The following MELK variants were observed in gnomAD, a reference collection of about 807,000 sequenced individuals.
MELK encodes the protein maternal embryonic leucine zipper kinase.
A neutral mutation model predicts 85.0 loss-of-function variants in MELK; 81 were observed. The observed-to-expected ratio is 0.95, with a 90% CI of 0.80 to 1.15. The LOEUF (loss-of-function observed/expected upper bound fraction) is 1.15. Ranked by LOEUF, MELK falls within the 50% of genes most tolerant of loss-of-function variation. MELK has a pLI of 0.00. For missense variants in MELK, 754 were observed against 777.5 expected (o/e 0.97, Z 0.36); for synonymous variants, 252 against 265.0 (o/e 0.95, Z 0.48).
At chr9:36,576,662 G>T (rs768212129) in intron 1 of MELK, among the ~76,000 whole-genome samples, 2 of 152,048 alleles carry the variant, frequency 1.3e-5, no homozygotes, top group African/African-American at 2.4e-5. Flanking sequence ...CTCCCTAGCA[G>T]CTGGGATTAC....
At chr9:36,666,643 C>T (rs945172427) in intron 14 of MELK, among the ~76,000 whole-genome samples, 4 of 152,206 alleles carry the variant, frequency 2.6e-5, no homozygotes, top group African/African-American at 9.6e-5. Context: ...TGGGAAACCA[C>T]ATCCTGCCAT....
Position 36,620,996 on chromosome 9 carries a change from C to T in MELK, c.667-9303C>T, listed in dbSNP as rs1359221531. Among the ~76,000 whole-genome samples the T allele has an allele frequency of 3.3e-5, 5 of 151,720 alleles. No homozygotes were observed. The South Asian group carries it at 8.3e-4, about 25-fold the overall frequency. On this transcript the variant is annotated intron_variant, in intron 8 of 17. Coordinates refer to ENST00000298048, the MANE Select transcript of MELK (RefSeq NM_014791.4). ...ATTAAAAAACTGAATAGAGGCTGGG[C>T]GCAGTGGCTCACGCCTGCAATCCCA...
intron 9 of MELK, 121 bp downstream of exon 9, chr9:36,630,488 A>C (rs1457765846): frequency 1.3e-6 from 1 of 753,620 alleles, no homozygotes; most frequent in Non-Finnish European, 2.2e-6. Flanking sequence ...ATCTACCTTG[A>C]AAATATCCTC....
Position 36,677,233 on chromosome 9 carries a change from C to T in MELK, c.1852C>T (p.Leu618Phe). Residue 618 changes from leucine (L) to phenylalanine (F), a missense_variant, in exon 18 of 18, where the codon CTT becomes TTT. Transcript: ENST00000298048. ...GCAATTTGAATTAGAAGTGTGCCAG[C>T]TTCAAAAACCCGATGTGGTGGGTAT... ...TMQFELEVCQ[L>F]QKPDVVGIRR... 2 of 1,614,084 alleles carry T rather than the reference C, an allele frequency of 1.2e-6. No individual in the cohort carries two copies. Among genetic ancestry groups the T allele is most frequent in the African/African-American group, 2.7e-5 (2 of 75,048 alleles).
chr9:36,621,275 G>GAAAAA lies in MELK; in HGVS notation c.667-8986_667-8982dup, dbSNP rs74181196. Among the ~76,000 whole-genome samples, 107 of 32,428 alleles carry GAAAAA rather than the reference G, an allele frequency of 3.3e-3. 29 individuals are homozygous for GAAAAA. Among genetic ancestry groups the GAAAAA allele is most frequent in the Non-Finnish European group, 6.6e-3 (74 of 11,218 alleles). The allele number at this position is 32,428 out of a possible 152,430, so 21.3% of individuals were successfully genotyped here. A position where few individuals can be genotyped will look rare whatever the true frequency, so the allele number is the denominator to read the frequency against. ...TGACAGAGTGAGACTCTGTCTCAGGGAAAAAAAAAAAAAAAAAAAAAAAAA... is the reference window on the plus strand; with the variant it reads ...TGACAGAGTGAGACTCTGTCTCAGGGAAAAAAAAAAAAAAAAAAAAAAAAAAAAAA... On this transcript the variant is annotated intron_variant, in intron 8 of 17. Coordinates refer to ENST00000298048, the MANE Select transcript of MELK (RefSeq NM_014791.4).
At chr9:36,583,920 T>C (rs1822536290) in intron 3 of MELK, among the ~76,000 whole-genome samples, 1 of 152,246 alleles carries the variant, frequency 6.6e-6, no homozygotes, top group Admixed American at 6.5e-5. Flanking sequence ...GGGACATATT[T>C]GAAGTCTGTA....
In MELK at chr9:36,642,997, T is replaced by C. The variant is rs746406905; in HGVS notation, c.835T>C (p.Phe279Leu). The change falls in exon 11 of 18, where the codon TTT becomes CTT. Residue 279 changes from phenylalanine (F) to leucine (L), a missense_variant and splice_region_variant. Transcript: ENST00000298048. Reference sequence around the variant, plus strand: ...TAAAGTGCATAATTTTTTTTTGTAGTTTATTCACCTCGATGATGATTGCGT... The same window carrying C: ...TAAAGTGCATAATTTTTTTTTGTAGCTTATTCACCTCGATGATGATTGCGT... ...YPVEWQSKNPFIHLDDDCVTE... is the reference protein window; with the variant it reads ...YPVEWQSKNPLIHLDDDCVTE... The C allele has an allele frequency of 2.5e-6, 4 of 1,600,976 alleles. No individual in the cohort carries two copies. Among genetic ancestry groups the C allele is most frequent in the South Asian group, 2.3e-5 (2 of 87,508 alleles).
At chr9:36,666,338 A>G (rs1832333298) in intron 14 of MELK, among the ~76,000 whole-genome samples, 1 of 152,166 alleles carries the variant, frequency 6.6e-6, no homozygotes, top group African/African-American at 2.4e-5. Flanking sequence ...TCATGACAGT[A>G]GAGACTCTCT....
intron 2 of MELK, among the ~76,000 whole-genome samples, chr9:36,582,462 A>G (rs143255700): frequency 3.0e-4 from 45 of 152,236 alleles, no homozygotes; most frequent in African/African-American, 1.1e-3. Context: ...GCTAGAGATG[A>G]TGGTGGTGTG....
intron 10 of MELK, among the ~76,000 whole-genome samples, chr9:36,636,762 T>TTC (rs1653017764): frequency 8.9e-6 from 1 of 112,166 alleles, no homozygotes; most frequent in South Asian, 2.8e-4. Context: ...CTTTCTTTCT[T>TTC]TCTTTCTTTC....
chr9:36,630,950 G>T (rs1200710596), intron 9 of MELK, among the ~76,000 whole-genome samples: 1 of 145,660 alleles, frequency 6.9e-6, no homozygotes, highest in African/African-American at 2.6e-5. Flanking sequence ...CTCTACACCT[G>T]GCCCCAGCTC....
At chr9:36,591,859 T>C (rs914714474) in intron 4 of MELK, among the ~76,000 whole-genome samples, 12 of 151,576 alleles carry the variant, frequency 7.9e-5, no homozygotes, top group Non-Finnish European at 1.0e-4. Context: ...CTGGGAGATA[T>C]AGGCTACAGT....
intron 10 of MELK, among the ~76,000 whole-genome samples, chr9:36,633,753 CA>C (rs1375582623): frequency 2.0e-5 from 3 of 152,224 alleles, no homozygotes; most frequent in African/African-American, 7.2e-5. Flanking sequence ...TACAACTTTG[CA>C]AATTTCTTTA....
intron 4 of MELK, among the ~76,000 whole-genome samples, chr9:36,591,583 A>G (rs759831068): frequency 3.3e-5 from 5 of 151,772 alleles, no homozygotes; most frequent in Non-Finnish European, 5.9e-5. Flanking sequence ...CAAAAAAGAA[A>G]AAGAATTGTT....
At chr9:36,639,085 G>T (rs1228459656) in intron 10 of MELK, among the ~76,000 whole-genome samples, 2 of 152,078 alleles carry the variant, frequency 1.3e-5, no homozygotes, top group Admixed American at 6.6e-5. Flanking sequence ...GAAAACCTGG[G>T]GCTAGGAATG....
chr9:36,590,349 G>A (rs1329831987), intron 4 of MELK, among the ~76,000 whole-genome samples: 3 of 152,290 alleles, frequency 2.0e-5, no homozygotes, highest in South Asian at 2.1e-4. Flanking sequence ...AAATCAAAAT[G>A]TTGGCAAGGC....
intron 16 of MELK, among the ~76,000 whole-genome samples, chr9:36,672,066 G>T (rs1007085408): frequency 1.3e-5 from 2 of 152,178 alleles, no homozygotes; most frequent in Non-Finnish European, 2.9e-5. Context: ...CTCTCGTAAT[G>T]AGCAAATCTG....
intron 8 of MELK, among the ~76,000 whole-genome samples, chr9:36,608,315 A>G (rs1463557870): frequency 6.6e-6 from 1 of 150,422 alleles, no homozygotes; most frequent in Admixed American, 6.6e-5. Context: ...GCACATTCAC[A>G]TAACATTTTT....
At chr9:36,659,488 G>A (rs921085001) in intron 13 of MELK, among the ~76,000 whole-genome samples, 5 of 152,198 alleles carry the variant, frequency 3.3e-5, no homozygotes, top group African/African-American at 9.7e-5. Flanking sequence ...CTGTAAAGTC[G>A]TTAAGTCATT....
Sources: gnomAD v4.1 joint callset for allele counts (sites outside exome capture counted in the v4.1 genomes callset) on GRCh38, gnomAD v4.1.1 for gene constraint, MANE v1.5 for transcripts, NCBI Gene and HGNC (gene_info 2026-07-23, HGNC 2026-07-21) for gene names.